MAP3K1: variants seen among roughly 807,000 people sequenced by gnomAD.
The protein encoded by MAP3K1 is mitogen-activated protein kinase kinase kinase 1.
Under a neutral mutation model 144.2 loss-of-function variants are expected in MAP3K1, and 36 were observed. The observed-to-expected ratio is 0.25, with a 90% CI of 0.19 to 0.33. MAP3K1 has a LOEUF of 0.33. MAP3K1 is among the 10% of genes least tolerant of loss of function. The pLI, the probability that MAP3K1 is intolerant of heterozygous loss-of-function variation, is 1.00. For synonymous variants in MAP3K1, 718 were observed against 688.7 expected, an observed-to-expected ratio of 1.04 and a Z score of -0.67; for missense variants, 1,650 against 1,881.9, an observed-to-expected ratio of 0.88 and a Z score of 2.28.
At chr5:56,855,633 TC>T (rs1747322204) in intron 1 of MAP3K1, among the ~76,000 whole-genome samples, 1 of 152,202 alleles carries the variant, frequency 6.6e-6, no homozygotes, top group Non-Finnish European at 1.5e-5. Flanking sequence ...GCTGGAAAAT[TC>T]CTAGAGGAGT....
chr5:56,885,833 G>T, intron 16 of MAP3K1, 99 bp from the exon 17 acceptor site: 1 of 943,606 alleles, frequency 1.1e-6, no homozygotes, highest in Non-Finnish European at 1.7e-6. Context: ...TTTCAGATGT[G>T]AATGTGAGTT....
At chr5:56,832,791 GTGA>G (rs1451047411) in intron 1 of MAP3K1, among the ~76,000 whole-genome samples, 3 of 152,188 alleles carry the variant, frequency 2.0e-5, no homozygotes, top group Non-Finnish European at 4.4e-5. Flanking sequence ...ATCATATGTA[GTGA>G]TGACTTTTTA....
Position 56,882,528 on chromosome 5 carries a change from G to A in MAP3K1, c.3328G>A (p.Glu1110Lys), listed in dbSNP as rs1038244253. 1.2e-5 allele frequency: 19 copies of A among 1,613,960 alleles called. No homozygotes were observed. The highest frequency in any genetic ancestry group is 6.7e-5 in the African/African-American group (5 of 74,906). Residue 1110 changes from glutamate (E) to lysine (K), a missense_variant, in exon 14 of 20, where the codon GAG (glutamate) becomes AAG (lysine). Physicochemically the swap from Glu to Lys is moderately conservative, Grantham distance 56 (BLOSUM62 1). Coordinates refer to ENST00000399503, the MANE Select transcript of MAP3K1 (RefSeq NM_005921.2). ...TAGTAATGCTGTTATACCCAGTGAC[G>A]AGACAGTGTTCACCCCAGTAGAGGA... ...NSSNAVIPSDETVFTPVEEKC... is the reference protein window; with the variant it reads ...NSSNAVIPSDKTVFTPVEEKC...
In MAP3K1 at chr5:56,859,798, T is replaced by C. The variant is rs200127101; in HGVS notation, c.717T>C (p.Ser239=). 1 of 1,614,070 alleles carries C rather than the reference T, an allele frequency of 6.2e-7. No individual in the cohort carries two copies. The highest frequency in any genetic ancestry group is 8.5e-7 in the Non-Finnish European group (1 of 1,180,008). Residue 239 remains serine (S), a synonymous_variant, in exon 3 of 20, where the codon AGT becomes AGC. Coordinates refer to ENST00000399503, the MANE Select transcript of MAP3K1 (RefSeq NM_005921.2). ...AGTCTCCAGGAGAGGTCCAGGCAAG[T>C]GCGGCTTCACCAGCTTCCAAAGGCC... is the stretch of plus-strand genomic sequence containing the variant. The part of the protein sequence containing the change: ...AAESPGEVQA[S]AASPASKGRR...
chr5:56,887,582 T>C, intron 18 of MAP3K1, 62 bp downstream of exon 18: 1 of 1,559,624 alleles, frequency 6.4e-7, no homozygotes, highest in Non-Finnish European at 8.8e-7. Flanking sequence ...AACAGCATTA[T>C]ACTAAATTAT....
intron 1 of MAP3K1, among the ~76,000 whole-genome samples, chr5:56,837,318 T>C (rs945645798): frequency 1.3e-5 from 2 of 152,176 alleles, no homozygotes; most frequent in African/African-American, 4.8e-5. Flanking sequence ...ATGGGTAAGT[T>C]CCTAAGTTAG....
intron 1 of MAP3K1, among the ~76,000 whole-genome samples, chr5:56,821,856 A>G (rs961994182): frequency 6.6e-6 from 1 of 152,220 alleles, no homozygotes; most frequent in Non-Finnish European, 1.5e-5. Context: ...ACCCATGAAT[A>G]TTAGGTACCC....
At chr5:56,877,258 T>A (rs1395780462) in intron 10 of MAP3K1, among the ~76,000 whole-genome samples, 1 of 152,214 alleles carries the variant, frequency 6.6e-6, no homozygotes, top group Non-Finnish European at 1.5e-5. Context: ...CTCTTTTTGC[T>A]AGTTCCTTTT....
chr5:56,891,419 G>A (rs1163673335), intron 19 of MAP3K1, among the ~76,000 whole-genome samples: 2 of 152,110 alleles, frequency 1.3e-5, no homozygotes, highest in Non-Finnish European at 2.9e-5. Flanking sequence ...TGAGTTTAAA[G>A]TATTCAGACT....
At chr5:56,832,279 A>G (rs1746516952) in intron 1 of MAP3K1, among the ~76,000 whole-genome samples, 1 of 152,188 alleles carries the variant, frequency 6.6e-6, no homozygotes, top group African/African-American at 2.4e-5. Context: ...TCCTGACTCT[A>G]AGCAGTAAAA....
chr5:56,844,522 C>A (rs188968107), intron 1 of MAP3K1, among the ~76,000 whole-genome samples: 1 of 152,126 alleles, frequency 6.6e-6, no homozygotes, highest in Admixed American at 6.6e-5. Flanking sequence ...TTTGGAACAT[C>A]TTTTGGCCTT....
At chr5:56,866,018 AC>A in intron 6 of MAP3K1, 41 bp downstream of exon 6, 1 of 1,499,678 alleles carries the variant, frequency 6.7e-7, no homozygotes, top group Non-Finnish European at 9.3e-7. Context: ...ATCCAGTGTT[AC>A]TTTTAATTTT....
In MAP3K1 at chr5:56,815,894, T is replaced by C. The variant is rs1456625394; in HGVS notation, c.321T>C (p.Pro107=). 2.3e-6 allele frequency: 3 copies of C among 1,318,648 alleles called. No individual in the cohort carries two copies. Among genetic ancestry groups the C allele is most frequent in the Non-Finnish European group, 2.9e-6 (3 of 1,034,218 alleles). The allele number at this position is 1,318,648 out of a possible 1,614,324, so 81.7% of individuals were successfully genotyped here. A position where few individuals can be genotyped will look rare whatever the true frequency, so the allele number is the denominator to read the frequency against. Residue 107 remains proline, a synonymous_variant, in exon 1 of 20, where the codon CCT becomes CCC. Coordinates refer to ENST00000399503, the MANE Select transcript of MAP3K1 (RefSeq NM_005921.2). ...CGGGGAGTGGGACCGGCTTCCAGCC[T>C]GTGGCGGTGCCGCCGCCCCACGGAG... The part of the protein sequence containing the change: ...DAAGSGTGFQ[P]VAVPPPHGAA...
chr5:56,871,820 A>G, intron 6 of MAP3K1, 90 bp from the exon 7 acceptor site: 1 of 1,201,774 alleles, frequency 8.3e-7, no homozygotes, highest in Non-Finnish European at 1.2e-6. Flanking sequence ...TAATGTATTT[A>G]TATTCTAAGC....
intron 19 of MAP3K1, among the ~76,000 whole-genome samples, chr5:56,893,171 C>G (rs938783293): frequency 6.6e-6 from 1 of 152,038 alleles, no homozygotes; most frequent in African/African-American, 2.4e-5. Context: ...AAATAGAAAA[C>G]GTGCAGTAAG....
rs150738759 is a variant in MAP3K1 at position 56,837,786 on chromosome 5, C to T, written c.483-18814C>T. On this transcript the variant is annotated intron_variant, in intron 1 of 19. Transcript: ENST00000399503. ...GACCCATTTCCGTCCTCACGGATCT[C>T]AAAGTCAAGAGTGGGAAACAGATAA... Among the ~76,000 whole-genome samples, 376 of 152,310 alleles carry T rather than the reference C, an allele frequency of 2.5e-3. 2 individuals carry two copies. Among genetic ancestry groups the T allele is most frequent in the African/African-American group, 8.8e-3 (367 of 41,570 alleles).
intron 6 of MAP3K1, among the ~76,000 whole-genome samples, chr5:56,867,340 CACT>C (rs1747707379): frequency 6.6e-6 from 1 of 152,030 alleles, no homozygotes; most frequent in African/African-American, 2.4e-5. Context: ...TTCGTATAAC[CACT>C]ATTTTTATAT....
At chr5:56,871,268 T>C (rs1053252707) in intron 6 of MAP3K1, among the ~76,000 whole-genome samples, 6 of 152,206 alleles carry the variant, frequency 3.9e-5, no homozygotes, top group African/African-American at 1.4e-4. Context: ...TAGCCTCTTT[T>C]TGGCATTCAT....
chr5:56,882,386 A>T lies in MAP3K1; in HGVS notation c.3186A>T (p.Pro1062=). The part of the protein sequence containing the change: ...LPSSNIHRPK[P]SRPTPGNTSK... ...CCAGTAACATACACAGGCCAAAGCC[A>T]TCTAGACCTACCCCAGGTAATACAA... Residue 1062 remains proline (P), a synonymous_variant, in exon 14 of 20, where the codon CCA becomes CCT. Coordinates refer to ENST00000399503, the MANE Select transcript of MAP3K1 (RefSeq NM_005921.2). 6.2e-7 allele frequency: 1 copy of T among 1,614,164 alleles called. No homozygotes were observed. The highest frequency in any genetic ancestry group is 8.5e-7 in the Non-Finnish European group (1 of 1,179,982).
Sources: allele counts gnomAD v4.1 joint callset (sites outside exome capture counted in the v4.1 genomes callset), GRCh38; gene constraint gnomAD v4.1.1; transcripts MANE v1.5; gene names NCBI Gene and HGNC (gene_info 2026-07-23, HGNC 2026-07-21).